Variants in FAM178B observed in about 807,000 individuals in gnomAD.
FAM178B encodes the protein protein FAM178B.
Under a neutral mutation model 91.7 loss-of-function variants are expected in FAM178B, and 82 were observed. That is an observed-to-expected ratio of 0.89 (90% confidence interval 0.75 to 1.07). The LOEUF (loss-of-function observed/expected upper bound fraction) is 1.07. FAM178B is among the 50% of genes least tolerant of loss of function. The pLI, the probability that FAM178B is intolerant of heterozygous loss-of-function variation, is 0.00. For missense variants in FAM178B, 769 were observed against 846.7 expected (o/e 0.91, Z 1.14); for synonymous variants, 368 against 359.4 (o/e 1.02, Z -0.27).
intron 12 of FAM178B, 69 bp downstream of exon 12, chr2:96,921,096 T>C: frequency 1.6e-5 from 21 of 1,334,594 alleles, no homozygotes; most frequent in Non-Finnish European, 2.2e-5. Flanking sequence ...TGGGGAGGAC[T>C]CTGGATCCCT....
chr2:96,883,439 A>G lies in FAM178B; in HGVS notation c.1777-4946T>C, dbSNP rs1054102532. ...AAGCCACTCGCTCTGGCCAGAACAT[A>G]TAACCTTTCTCCCCCATCAGGTCAT... On this transcript the variant is annotated intron_variant, in intron 14 of 16. Transcript: ENST00000490605. 7.2e-5 allele frequency among the ~76,000 whole-genome samples: 11 copies of G among 152,312 alleles called. No homozygotes were observed. In the South Asian group the frequency reaches 1.0e-3, roughly 14 times the overall value.
chr2:96,926,878 C>T (rs1379362289), intron 9 of FAM178B, among the ~76,000 whole-genome samples: 1 of 152,196 alleles, frequency 6.6e-6, no homozygotes, highest in East Asian at 1.9e-4. Context: ...GTCTGAGGCC[C>T]TCATTTTGAG....
At chr2:96,923,636 G>A in intron 9 of FAM178B, 53 bp from the exon 10 acceptor site, 1 of 1,416,280 alleles carries the variant, frequency 7.1e-7, no homozygotes, top group East Asian at 2.5e-5. Flanking sequence ...GGGCACAGGG[G>A]CAGGAGTGAG....
At chr2:96,942,348 G>A (rs60608738) in intron 8 of FAM178B, among the ~76,000 whole-genome samples, 28,211 of 152,098 alleles carry the variant, frequency 0.19, 4,232 homozygotes, top group African/African-American at 0.41. Context: ...AGAAATTGAC[G>A]AGCTGGTCCT....
At chr2:96,961,891 C>T (rs775023503) in intron 5 of FAM178B, among the ~76,000 whole-genome samples, 1 of 152,176 alleles carries the variant, frequency 6.6e-6, no homozygotes, top group African/African-American at 2.4e-5. Context: ...TCTGACCCTG[C>T]GGGCTTCAGG....
intron 14 of FAM178B, among the ~76,000 whole-genome samples, chr2:96,883,101 CT>C (rs2080429264): frequency 1.3e-5 from 2 of 152,328 alleles, no homozygotes; most frequent in African/African-American, 4.8e-5. Context: ...TGCCCTCCCC[CT>C]GGGGAAGGAA....
At chr2:96,937,136 C>T (rs184781689) in intron 8 of FAM178B, among the ~76,000 whole-genome samples, 1 of 152,032 alleles carries the variant, frequency 6.6e-6, no homozygotes, top group Non-Finnish European at 1.5e-5. Flanking sequence ...CTCAAGCAAT[C>T]CTCCTGCCTC....
chr2:96,980,494 C>T (rs2082347638), intron 1 of FAM178B, among the ~76,000 whole-genome samples: 1 of 152,144 alleles, frequency 6.6e-6, no homozygotes, highest in South Asian at 2.1e-4. Flanking sequence ...AACTCTTGGC[C>T]TCAAGCAATC....
rs1468200612 is a variant in FAM178B at position 96,929,255 on chromosome 2, C to T, written c.1144G>A (p.Ala382Thr). 3 of 1,551,548 alleles carry T rather than the reference C, an allele frequency of 1.9e-6. No homozygotes were observed. The highest frequency in any genetic ancestry group is 2.0e-5 in the Admixed American group (1 of 50,960). ...EVREAFHSLGAHSPALYPLGP... is the reference protein window; with the variant it reads ...EVREAFHSLGTHSPALYPLGP... ...AGAGGGTACAGGGCAGGACTGTGGGCACCCAGGCTGTGGAATGCCTCCCTG... is the reference window on the plus strand; with the variant it reads ...AGAGGGTACAGGGCAGGACTGTGGGTACCCAGGCTGTGGAATGCCTCCCTG... The change falls in exon 9 of 17, where the codon GCC (alanine) becomes ACC (threonine). Residue 382 changes from alanine to threonine, a missense_variant. By Grantham distance (58) the Ala-to-Thr change is moderately conservative. Transcript: ENST00000490605.
chr2:96,976,097 C>CTT lies in FAM178B; in HGVS notation c.74-3493_74-3492dup, dbSNP rs757487916. Among the ~76,000 whole-genome samples, 489 of 142,434 alleles carry CTT rather than the reference C, an allele frequency of 3.4e-3. 3 individuals carry two copies. Among genetic ancestry groups the CTT allele is most frequent in the East Asian group, 0.025 (124 of 4,898 alleles). 93.4% of individuals were successfully genotyped at this position (142,434 alleles called of 152,430 possible). On this transcript the variant is annotated intron_variant, in intron 1 of 16. Coordinates refer to ENST00000490605, the MANE Select transcript of FAM178B (RefSeq NM_001122646.3). ...GTATATGATAGGCCATAAAACAATTCTTTTTTTTTTTTTTTGAGAGAGAGT... is the reference window on the plus strand; with the variant it reads ...GTATATGATAGGCCATAAAACAATTCTTTTTTTTTTTTTTTTTGAGAGAGAGT...
chr2:96,878,848 A>G (rs1330323077), intron 14 of FAM178B, among the ~76,000 whole-genome samples: 1 of 152,224 alleles, frequency 6.6e-6, no homozygotes. Flanking sequence ...AGAGGGGCCT[A>G]TCCACTCTGA....
chr2:96,906,713 C>T (rs2081063437), intron 12 of FAM178B, among the ~76,000 whole-genome samples: 1 of 152,236 alleles, frequency 6.6e-6, no homozygotes, highest in African/African-American at 2.4e-5. Flanking sequence ...ACACCCAGAG[C>T]CCCAAGCTTC....
At chr2:96,949,383 C>T (rs546862032) in intron 7 of FAM178B, among the ~76,000 whole-genome samples, 69 of 152,300 alleles carry the variant, frequency 4.5e-4, no homozygotes, top group African/African-American at 1.7e-3. Context: ...CACTTAACCC[C>T]TCTTAGCCTA....
chr2:96,902,512 A>T, intron 13 of FAM178B, 108 bp downstream of exon 13: 4 of 740,698 alleles, frequency 5.4e-6, no homozygotes, highest in Non-Finnish European at 7.2e-6. Flanking sequence ...ATGAGTAGAG[A>T]GTTCAGAGCC....
chr2:96,929,307 G>T lies in FAM178B; in HGVS notation c.1092C>A (p.His364Gln), dbSNP rs1424849024. The T allele has an allele frequency of 6.4e-7, 1 of 1,551,110 alleles. No individual in the cohort carries two copies. The highest frequency in any genetic ancestry group is 2.0e-5 in the Admixed American group (1 of 50,956). ...GIFLQPDEDK[H>Q]LWCPSLQEVR... ...CTTCTTGCAGTGAGGGGCACCACAG[G>T]TGCTTGTCTTCATCTGTCAGGCCAA... Residue 364 changes from histidine (H) to glutamine (Q), a missense_variant, in exon 9 of 17, where the codon CAC becomes CAA. Transcript: ENST00000490605.
chr2:96,900,106 TCTAA>T (rs753045604), intron 13 of FAM178B, among the ~76,000 whole-genome samples: 5 of 152,122 alleles, frequency 3.3e-5, no homozygotes, highest in Admixed American at 2.0e-4. Flanking sequence ...TTGAACTGGC[TCTAA>T]CTCTCTCTCT....
intron 13 of FAM178B, chr2:96,897,932 G>GT (rs1352833294): frequency 1.0e-6 from 1 of 984,888 alleles, no homozygotes; most frequent in Non-Finnish European, 1.2e-6. Context: ...CCTCAATGCT[G>GT]TAAGTCCTGT....
chr2:96,894,132 C>T, intron 13 of FAM178B, 81 bp from the exon 14 acceptor site: 2 of 1,507,860 alleles, frequency 1.3e-6, no homozygotes, highest in Non-Finnish European at 1.8e-6. Context: ...GGCCTGGACA[C>T]CTCAGCTGGT....
At chr2:96,894,597 T>A (rs1368768227) in intron 13 of FAM178B, among the ~76,000 whole-genome samples, 3 of 59,552 alleles carry the variant, frequency 5.0e-5, no homozygotes, top group African/African-American at 7.3e-5. Flanking sequence ...CTCACCCACA[T>A]ACAGACCTAC....
Sources: allele counts gnomAD v4.1 joint callset (sites outside exome capture counted in the v4.1 genomes callset), GRCh38; gene constraint gnomAD v4.1.1; transcripts MANE v1.5; gene names NCBI Gene and HGNC (gene_info 2026-07-23, HGNC 2026-07-21).